Variants in ERP27 observed in about 807,000 individuals in gnomAD.
The protein encoded by ERP27 is endoplasmic reticulum resident protein 27.
ERP27 carries 23 observed loss-of-function variants against 27.7 expected under a neutral mutation model. The observed-to-expected ratio is 0.83, with a 90% CI of 0.60 to 1.18. The LOEUF is 1.18. Ranked by LOEUF, ERP27 falls within the 50% of genes most tolerant of loss-of-function variation. The probability of loss-of-function intolerance (pLI) is 0.00; values close to 1 mark genes in which losing one functional copy is unlikely to be tolerated. For missense variants in ERP27, 363 were observed against 327.9 expected, an observed-to-expected ratio of 1.11 and a Z score of -0.83; for synonymous variants, 159 against 118.3, an observed-to-expected ratio of 1.34 and a Z score of -2.23.
chr12:14,935,910 T>C (rs1000717024), intron 2 of ERP27, among the ~76,000 whole-genome samples: 2 of 152,096 alleles, frequency 1.3e-5, no homozygotes, highest in Admixed American at 6.5e-5. Flanking sequence ...TTAGTAGAGA[T>C]GTGGTTTTGC....
intron 3 of ERP27, among the ~76,000 whole-genome samples, chr12:14,924,314 G>A (rs1250012985): frequency 6.6e-6 from 1 of 152,076 alleles, no homozygotes; most frequent in East Asian, 1.9e-4. Flanking sequence ...CTTGGTTATT[G>A]TGAATAGTGC....
chr12:14,917,530 A>G (rs1293282524), intron 4 of ERP27, among the ~76,000 whole-genome samples: 1 of 152,126 alleles, frequency 6.6e-6, no homozygotes, highest in Non-Finnish European at 1.5e-5. Flanking sequence ...AGTAACCAAG[A>G]CAATGTTGCA....
chr12:14,914,527 A>G lies in ERP27; in HGVS notation c.*208T>C, dbSNP rs1863373783. 3.8e-6 allele frequency: 2 copies of G among 527,550 alleles called. No homozygotes were observed. Among genetic ancestry groups the G allele is most frequent in the South Asian group, 2.9e-5 (1 of 34,058 alleles). The allele number at this position is 527,550 out of a possible 1,614,324, so 32.7% of individuals were successfully genotyped here. A position where few individuals can be genotyped will look rare whatever the true frequency, so the allele number is the denominator to read the frequency against. On this transcript the variant is annotated 3_prime_UTR_variant, in exon 7 of 7. Transcript: ENST00000266397. ...TGAAATTTAAAAGAAGGAAGAAGAG[A>G]AAACGAGATTTTAAGACAGGAAATG... is the stretch of plus-strand genomic sequence containing the variant.
chr12:14,922,393 T>G (rs1863518468), intron 3 of ERP27, among the ~76,000 whole-genome samples: 1 of 152,194 alleles, frequency 6.6e-6, no homozygotes, highest in African/African-American at 2.4e-5. Flanking sequence ...TTAATAATAA[T>G]TTAAGGATAT....
rs1863367908 is a variant in ERP27 at position 14,914,154 on chromosome 12, C to T, written c.*581G>A. 6.6e-6 allele frequency: 1 copy of T among 152,298 alleles called. No homozygotes were observed. The highest frequency in any genetic ancestry group is 6.5e-5 in the Admixed American group (1 of 15,282). 9.4% of individuals were successfully genotyped at this position (152,298 alleles called of 1,614,324 possible). A position where few individuals can be genotyped will look rare whatever the true frequency, so the allele number is the denominator to read the frequency against. ...GGTCTATTTCTGCTGAGTTCAGGGA[C>T]TTGGAGACAGCCTTTAACTTCTGGC... On this transcript the variant is annotated 3_prime_UTR_variant, in exon 7 of 7. Coordinates refer to ENST00000266397, the MANE Select transcript of ERP27 (RefSeq NM_152321.4).
At chr12:14,924,251 T>C (rs1863562407) in intron 3 of ERP27, among the ~76,000 whole-genome samples, 1 of 152,222 alleles carries the variant, frequency 6.6e-6, no homozygotes, top group African/African-American at 2.4e-5. Flanking sequence ...ATATATGTAC[T>C]GCAATTTCTT....
chr12:14,921,118 C>T lies in ERP27; in HGVS notation c.334-70G>A, dbSNP rs1412495369. On this transcript the variant is annotated intron_variant, in intron 3 of 6. Coordinates refer to ENST00000266397, the MANE Select transcript of ERP27 (RefSeq NM_152321.4). Reference sequence around the variant, plus strand: ...TCATGTATTGATAAACGTCTTTAGACCCCCATGTGACAGGCACTGATTAAA... The same window carrying T: ...TCATGTATTGATAAACGTCTTTAGATCCCCATGTGACAGGCACTGATTAAA... 2.3e-6 allele frequency: 3 copies of T among 1,280,790 alleles called. No individual in the cohort carries two copies. In the African/African-American group the frequency reaches 4.4e-5, roughly 19 times the overall value. 79.3% of individuals were successfully genotyped at this position (1,280,790 alleles called of 1,614,324 possible).
At position 14,917,210 on chromosome 12, in the gene ERP27, A is replaced by G. The variant is rs199876317; in HGVS notation, c.544T>C (p.Tyr182His). ...SPEYEENMHR[Y>H]QKAAKLFQGK... ...TGGAAGAGCTTGGCTGCCTTCTGGT[A>G]TCTGTGCATGTTCTCTTCATACTCT... The change falls in exon 5 of 7, where the codon TAC becomes CAC. Residue 182 changes from tyrosine (Y) to histidine (H), a missense_variant. By Grantham distance (83) the Tyr-to-His change is moderately conservative (BLOSUM62 2). Transcript: ENST00000266397. 9 of 1,614,006 alleles carry G rather than the reference A, an allele frequency of 5.6e-6. No homozygotes were observed. Among genetic ancestry groups the G allele is most frequent in the South Asian group, 1.1e-5 (1 of 91,080 alleles).
rs1592279815 is a variant in ERP27, at chr12:14,934,869, C to T, written c.320G>A (p.Cys107Tyr). The change falls in exon 3 of 7, where the codon TGC (cysteine) becomes TAC (tyrosine). Residue 107 changes from cysteine (C) to tyrosine (Y), a missense_variant. Cys to Tyr is a radical substitution (Grantham distance 194, BLOSUM62 -2). Coordinates refer to ENST00000266397, the MANE Select transcript of ERP27 (RefSeq NM_152321.4). ...THYNITGNTI[C>Y]LFRLVDNEQL... ...CACCCAACTTACCAGGCGAAAGAGG[C>T]AGATGGTGTTCCCAGTGATGTTGTA... The T allele has an allele frequency of 6.2e-7, 1 of 1,613,856 alleles. No homozygotes were observed. The highest frequency in any genetic ancestry group is 1.1e-5 in the South Asian group (1 of 91,080).
At chr12:14,916,220 T>C (rs1452909478) in intron 5 of ERP27, among the ~76,000 whole-genome samples, 1 of 152,222 alleles carries the variant, frequency 6.6e-6, no homozygotes, top group South Asian at 2.1e-4. Context: ...TGATGTTTTA[T>C]CCCTTTGACG....
At position 14,914,617 on chromosome 12, in the gene ERP27, CGT is replaced by C. The variant is rs1555097477; in HGVS notation, c.*116_*117del. On this transcript the variant is annotated 3_prime_UTR_variant, in exon 7 of 7. Coordinates refer to ENST00000266397, the MANE Select transcript of ERP27 (RefSeq NM_152321.4). ...ACGCGTGCGTGCGTGTGTGCACGTG[CGT>C]GTGTGTGTGGTTGGCAGGCCTAGTG... 122 of 783,648 alleles carry C rather than the reference CGT, an allele frequency of 1.6e-4. No individual in the cohort carries two copies. The highest frequency in any genetic ancestry group is 2.5e-4 in the Middle Eastern group (1 of 4,062). The allele number at this position is 783,648 out of a possible 1,614,324, so 48.5% of individuals were successfully genotyped here. A position where few individuals can be genotyped will look rare whatever the true frequency, so the allele number is the denominator to read the frequency against.
intron 3 of ERP27, among the ~76,000 whole-genome samples, chr12:14,934,245 CTTTTT>C (rs551478342): frequency 2.6e-5 from 4 of 151,920 alleles, no homozygotes; most frequent in Non-Finnish European, 4.4e-5. Flanking sequence ...ATTCTGTTGT[CTTTTT>C]CTTTTCTTTT....
At position 14,934,536 on chromosome 12, in the gene ERP27, T is replaced by C. The variant is rs149582099; in HGVS notation, c.333+320A>G. On this transcript the variant is annotated intron_variant, in intron 3 of 6. Coordinates refer to ENST00000266397, the MANE Select transcript of ERP27 (RefSeq NM_152321.4). Reference sequence around the variant, plus strand: ...GAGCTCAAAGTGACCTTAGAGATAATACAGTCTAACTCTTTTATTTTATAA... The same window carrying C: ...GAGCTCAAAGTGACCTTAGAGATAACACAGTCTAACTCTTTTATTTTATAA... 3.1e-3 allele frequency among the ~76,000 whole-genome samples: 470 copies of C among 152,314 alleles called. 3 individuals carry two copies. Among genetic ancestry groups the C allele is most frequent in the Middle Eastern group, 0.01 (3 of 294 alleles).
chr12:14,917,401 C>A, intron 4 of ERP27, 98 bp from the exon 5 acceptor site: 1 of 1,509,758 alleles, frequency 6.6e-7, no homozygotes, highest in Admixed American at 1.7e-5. Context: ...TAAATGAGAG[C>A]TGGCCACTGG....
intron 3 of ERP27, among the ~76,000 whole-genome samples, chr12:14,925,026 G>A (rs1182178591): frequency 1.3e-5 from 2 of 152,170 alleles, no homozygotes; most frequent in Non-Finnish European, 1.5e-5. Context: ...ATAATCCACC[G>A]CTTAGTGCAT....
At chr12:14,937,930 G>A (rs779992168) in intron 2 of ERP27, 22 bp downstream of exon 2, 1 of 1,601,830 alleles carries the variant, frequency 6.2e-7, no homozygotes, top group Non-Finnish European at 8.6e-7. Context: ...GCTCTTGGGG[G>A]AATTGCAAGT....
chr12:14,928,358 G>A (rs1448591912), intron 3 of ERP27, among the ~76,000 whole-genome samples: 1 of 152,202 alleles, frequency 6.6e-6, no homozygotes, highest in Non-Finnish European at 1.5e-5. Flanking sequence ...TCATCCCGGT[G>A]ATGATTCCTA....
At chr12:14,919,295 A>G (rs1863462058) in intron 4 of ERP27, among the ~76,000 whole-genome samples, 2 of 152,358 alleles carry the variant, frequency 1.3e-5, no homozygotes, top group South Asian at 4.1e-4. Context: ...TGCCTTCACT[A>G]ATAATATGGA....
chr12:14,917,757 G>T (rs928373600), intron 4 of ERP27, among the ~76,000 whole-genome samples: 1 of 152,164 alleles, frequency 6.6e-6, no homozygotes, highest in Non-Finnish European at 1.5e-5. Flanking sequence ...CAGATCCCCA[G>T]CTCCAGTTGA....
Sources: gnomAD v4.1 joint callset for allele counts (sites outside exome capture counted in the v4.1 genomes callset) on GRCh38, gnomAD v4.1.1 for gene constraint, MANE v1.5 for transcripts, NCBI Gene and HGNC (gene_info 2026-07-23, HGNC 2026-07-21) for gene names.